The following ZNF507 variants were observed in gnomAD, a reference collection of about 807,000 sequenced individuals.
ZNF507 encodes zinc finger protein 507.
ZNF507 carries 29 observed loss-of-function variants against 80.0 expected under a neutral mutation model. The ratio of observed to expected loss-of-function variants is 0.36; its 90% CI spans 0.27 to 0.49. The LOEUF (loss-of-function observed/expected upper bound fraction) is 0.49. Ranked by LOEUF, ZNF507 falls within the 20% of genes least tolerant of loss-of-function variation. The pLI, the probability that ZNF507 is intolerant of heterozygous loss-of-function variation, is 0.98. For missense variants in ZNF507, 1,081 were observed against 1,152.2 expected, an observed-to-expected ratio of 0.94 and a Z score of 0.90; for synonymous variants, 462 against 422.5, an observed-to-expected ratio of 1.09 and a Z score of -1.15.
chr19:32,356,917 T>A (rs1967260487), intron 4 of ZNF507, 184 bp downstream of exon 4: 1 of 589,216 alleles, frequency 1.7e-6, no homozygotes, highest in South Asian at 2.0e-5. Flanking sequence ...AAGCAGATGA[T>A]TACTAGGTCC....
Position 32,354,102 on chromosome 19 carries a change from G to A in ZNF507, c.1272G>A (p.Lys424=). 6.2e-7 allele frequency: 1 copy of A among 1,613,746 alleles called. No individual in the cohort carries two copies. The highest frequency in any genetic ancestry group is 1.1e-5 in the South Asian group (1 of 91,084). The change falls in exon 3 of 7, where the codon AAG becomes AAA. Residue 424 remains lysine, a synonymous_variant. Coordinates refer to ENST00000355898, the MANE Select transcript of ZNF507 (RefSeq NM_001136156.2). Reference sequence around the variant, plus strand: ...TGAACACTGAAATGGAAGAAGGGAAGGACCTGAGCCTGACAGAAGCTCAGA... The same window carrying A: ...TGAACACTGAAATGGAAGAAGGGAAAGACCTGAGCCTGACAGAAGCTCAGA... ...FLMNTEMEEG[K]DLSLTEAQIG...
intron 4 of ZNF507, chr19:32,359,088 C>A (rs955515272): frequency 3.3e-5 from 5 of 152,192 alleles, no homozygotes; most frequent in African/African-American, 4.8e-5. Context: ...AAACCATTAT[C>A]CAATATTTCA....
chr19:32,355,023 A>G (rs1967233711), intron 3 of ZNF507, 66 bp downstream of exon 3: 1 of 1,427,438 alleles, frequency 7.0e-7, no homozygotes, highest in African/African-American at 1.4e-5. Context: ...GGAACTTTGT[A>G]GATCTAATCC....
chr19:32,349,105 G>A (rs1967130784), intron 2 of ZNF507, among the ~76,000 whole-genome samples: 2 of 152,338 alleles, frequency 1.3e-5, no homozygotes, highest in South Asian at 4.1e-4. Flanking sequence ...GTCTTGGAGA[G>A]CAGCCTACCT....
chr19:32,352,873 G>C lies in ZNF507; in HGVS notation c.43G>C (p.Gly15Arg), dbSNP rs1332868893. 6.3e-7 allele frequency: 1 copy of C among 1,598,798 alleles called. No individual in the cohort carries two copies. Among genetic ancestry groups the C allele is most frequent in the South Asian group, 1.1e-5 (1 of 87,636 alleles). Residue 15 changes from glycine (G) to arginine (R), a missense_variant, in exon 3 of 7, where the codon GGG (glycine) becomes CGG (arginine). This residue lies in a region of ZNF507 where 275 missense variants were observed against 303.9 expected (regional missense o/e 0.90). Coordinates refer to ENST00000355898, the MANE Select transcript of ZNF507 (RefSeq NM_001136156.2). ...SSVAMLVPDIGEQEAILTAES... is the reference protein window; with the variant it reads ...SSVAMLVPDIREQEAILTAES... ...TGTTGCCATGTTGGTGCCAGATATT[G>C]GGGAACAGGAAGCTATACTGACTGC...
chr19:32,381,744 C>T (rs1042317705), intron 5 of ZNF507, among the ~76,000 whole-genome samples: 3 of 152,082 alleles, frequency 2.0e-5, no homozygotes, highest in Non-Finnish European at 2.9e-5. Flanking sequence ...AAATACAGCA[C>T]ACTGATGTTA....
chr19:32,355,201 ATAGTT>A (rs1967235928), intron 3 of ZNF507, among the ~76,000 whole-genome samples: 1 of 152,162 alleles, frequency 6.6e-6, no homozygotes. Context: ...TTTAGTGTGT[ATAGTT>A]TAAAGTGTTG....
chr19:32,380,654 TTAAG>T (rs1410266518), intron 5 of ZNF507: 1 of 1,529,256 alleles, frequency 6.5e-7, no homozygotes, highest in East Asian at 2.4e-5. Context: ...AGGTTTGTAA[TTAAG>T]TATTTAACAA....
At position 32,360,548 on chromosome 19, in the gene ZNF507, G is replaced by T; in HGVS notation, c.2290G>T (p.Asp764Tyr). ...GAAACAATATAGATGTGATGTGTGT[G>T]ATTATACAAGTACAACATATGTTGG... The part of the protein sequence containing the change: ...VQKQYRCDVC[D>Y]YTSTTYVGVR... The change falls in exon 5 of 7, where the codon GAT becomes TAT. Residue 764 changes from aspartate to tyrosine, a missense_variant. Around this residue, in one of 6 missense-constraint regions of ZNF507, gnomAD observed 40 missense variants for 52.4 expected, o/e 0.76. Transcript: ENST00000355898. The T allele has an allele frequency of 6.2e-7, 1 of 1,602,584 alleles. No homozygotes were observed. Among genetic ancestry groups the T allele is most frequent in the Non-Finnish European group, 8.5e-7 (1 of 1,174,858 alleles).
intron 5 of ZNF507, among the ~76,000 whole-genome samples, chr19:32,372,262 T>A (rs1285198485): frequency 6.6e-6 from 1 of 152,208 alleles, no homozygotes; most frequent in Admixed American, 6.5e-5. Context: ...CAGGAAGCTA[T>A]GCAAGTAATT....
At chr19:32,378,388 C>A (rs767612445) in intron 5 of ZNF507, among the ~76,000 whole-genome samples, 93 of 152,102 alleles carry the variant, frequency 6.1e-4, no homozygotes, top group Admixed American at 1.3e-3. Context: ...TAATTGCAGT[C>A]TAGAAGATCT....
Position 32,374,159 on chromosome 19 carries a change from C to T in ZNF507, c.2361-8308C>T, listed in dbSNP as rs59870848. Among the ~76,000 whole-genome samples the T allele has an allele frequency of 6.6e-3, 839 of 126,690 alleles. 11 individuals carry two copies. Among genetic ancestry groups the T allele is most frequent in the African/African-American group, 0.022 (786 of 35,246 alleles). 83.1% of individuals were successfully genotyped at this position (126,690 alleles called of 152,430 possible). A position where few individuals can be genotyped will look rare whatever the true frequency, so the allele number is the denominator to read the frequency against. On this transcript the variant is annotated intron_variant, in intron 5 of 6. Transcript: ENST00000355898. ...GAAATTCATGCAGCTCGGAACCGTGCAAAGCAAGGAACACACACACACACA... is the reference window on the plus strand; with the variant it reads ...GAAATTCATGCAGCTCGGAACCGTGTAAAGCAAGGAACACACACACACACA...
chr19:32,363,196 T>C (rs1967353528), intron 5 of ZNF507, among the ~76,000 whole-genome samples: 1 of 152,212 alleles, frequency 6.6e-6, no homozygotes, highest in Non-Finnish European at 1.5e-5. Flanking sequence ...GAGTTTGGGC[T>C]TGGTTTCTCA....
intron 5 of ZNF507, among the ~76,000 whole-genome samples, chr19:32,361,366 C>CT (rs1226450715): frequency 6.6e-6 from 1 of 152,176 alleles, no homozygotes; most frequent in Non-Finnish European, 1.5e-5. Flanking sequence ...GTTTAACTCT[C>CT]TCCCCAGATT....
intron 1 of ZNF507, among the ~76,000 whole-genome samples, chr19:32,346,154 T>G (rs1274317128): frequency 6.6e-6 from 1 of 152,220 alleles, no homozygotes; most frequent in Non-Finnish European, 1.5e-5. Flanking sequence ...TTGATTAATT[T>G]TCTAAGCTCC....
chr19:32,370,827 T>C, intron 5 of ZNF507, among the ~76,000 whole-genome samples: 1 of 152,220 alleles, frequency 6.6e-6, no homozygotes, highest in African/African-American at 2.4e-5. Context: ...AGATTTTTCC[T>C]TGTATTCTCT....
rs143408497 is a variant in ZNF507 at position 32,364,800 on chromosome 19, C to T, written c.2360+4182C>T. Among the ~76,000 whole-genome samples the T allele has an allele frequency of 2.5e-4, 38 of 152,258 alleles. 1 individual carries two copies. The East Asian group carries it at 6.8e-3, about 27-fold the overall frequency. On this transcript the variant is annotated intron_variant, in intron 5 of 6. Transcript: ENST00000355898. Reference sequence around the variant, plus strand: ...TGAATTGTGCTGCTATAAACTTGCGCGTGCAAGCATCTTTTTCCAATAATG... The same window carrying T: ...TGAATTGTGCTGCTATAAACTTGCGTGTGCAAGCATCTTTTTCCAATAATG...
chr19:32,360,437 G>T, intron 4 of ZNF507, 67 bp from the exon 5 acceptor site: 1 of 716,952 alleles, frequency 1.4e-6, no homozygotes, highest in South Asian at 3.0e-5. Flanking sequence ...ATTTACAATG[G>T]AATGTAAATG....
chr19:32,355,062 T>C (rs972591101), intron 3 of ZNF507, 105 bp downstream of exon 3: 5 of 1,192,980 alleles, frequency 4.2e-6, no homozygotes, highest in Non-Finnish European at 4.5e-6. Context: ...ATAAGGAAAC[T>C]GGGTCCCAGA....
Sources: allele counts gnomAD v4.1 joint callset (sites outside exome capture counted in the v4.1 genomes callset), GRCh38; gene constraint gnomAD v4.1.1; regional missense constraint gnomAD v4.1.1; transcripts MANE v1.5; gene names NCBI Gene and HGNC (gene_info 2026-07-23, HGNC 2026-07-21).